Variants in SPINK5 observed in about 807,000 individuals in gnomAD.
SPINK5 encodes the protein serine peptidase inhibitor Kazal type 5.
A neutral mutation model predicts 151.8 loss-of-function variants in SPINK5; 125 were observed. The observed-to-expected ratio is 0.82, with a 90% CI of 0.71 to 0.96. SPINK5 has a LOEUF of 0.96. Among genes scored for constraint, SPINK5 ranks in the 40% least tolerant of loss-of-function variants. SPINK5 has a pLI of 0.00. For synonymous variants in SPINK5, 374 were observed against 395.3 expected (o/e 0.95, Z 0.64); for missense variants, 1,194 against 1,291.9 (o/e 0.92, Z 1.16).
At chr5:148,116,581 A>G in intron 22 of SPINK5, 115 bp downstream of exon 22, 1 of 1,049,668 alleles carries the variant, frequency 9.5e-7, no homozygotes, top group African/African-American at 1.6e-5. Context: ...GAGAGAACAG[A>G]GAAGTTTCTC....
chr5:148,133,390 C>T (rs1044150069), intron 31 of SPINK5, among the ~76,000 whole-genome samples: 2 of 152,184 alleles, frequency 1.3e-5, no homozygotes, highest in African/African-American at 2.4e-5. Flanking sequence ...ATTCCAACTA[C>T]AAAACTCAGA....
intron 2 of SPINK5, 95 bp downstream of exon 2, chr5:148,065,467 A>G: frequency 7.6e-7 from 1 of 1,318,626 alleles, no homozygotes. Context: ...ATACAAACAT[A>G]TTATACTGGT....
In SPINK5 at chr5:148,118,558, C is replaced by T. The variant is rs951229378; in HGVS notation, c.2234C>T (p.Ala745Val). Residue 745 changes from alanine to valine, a missense_variant, in exon 23 of 33, where the codon GCA becomes GTA. By Grantham distance (64) the Ala-to-Val change is moderately conservative (BLOSUM62 0). Transcript: ENST00000256084. ...SYNNQCTMCKAKLEREAERKN... is the reference protein window; with the variant it reads ...SYNNQCTMCKVKLEREAERKN... ...AACAATCAGTGTACCATGTGTAAAGCAAAATTGTAAGTATTTCTCTCAACA... is the reference window on the plus strand; with the variant it reads ...AACAATCAGTGTACCATGTGTAAAGTAAAATTGTAAGTATTTCTCTCAACA... 3 of 1,613,928 alleles carry T rather than the reference C, an allele frequency of 1.9e-6. No individual in the cohort carries two copies. The highest frequency in any genetic ancestry group is 1.1e-5 in the South Asian group (1 of 91,080).
chr5:148,085,440 C>T (rs1753127363), intron 4 of SPINK5, among the ~76,000 whole-genome samples: 1 of 151,896 alleles, frequency 6.6e-6, no homozygotes, highest in Admixed American at 6.6e-5. Context: ...CAAGTTAACT[C>T]TATATCTTTT....
chr5:148,116,920 G>C (rs2052531), intron 22 of SPINK5, among the ~76,000 whole-genome samples: 82,523 of 151,982 alleles, frequency 0.54, 23,562 homozygotes, highest in Admixed American at 0.64. Flanking sequence ...GGACTTGTGA[G>C]ACATTGAGTA....
intron 4 of SPINK5, among the ~76,000 whole-genome samples, chr5:148,084,429 T>G (rs574424117): frequency 6.6e-6 from 1 of 151,966 alleles, no homozygotes; most frequent in South Asian, 2.1e-4. Flanking sequence ...TTCTGTAGGT[T>G]GTGATCCACC....
chr5:148,115,448 GAGAA>G (rs1344593584), intron 21 of SPINK5, among the ~76,000 whole-genome samples: 1 of 152,176 alleles, frequency 6.6e-6, no homozygotes, highest in African/African-American at 2.4e-5. Context: ...AGGAGAAAAA[GAGAA>G]AGAAAGTACT....
At chr5:148,105,593 C>T (rs1753759614) in intron 16 of SPINK5, among the ~76,000 whole-genome samples, 1 of 151,762 alleles carries the variant, frequency 6.6e-6, no homozygotes, top group South Asian at 2.1e-4. Context: ...ATAATAGCTA[C>T]ATACAAGATT....
chr5:148,065,544 C>T, intron 2 of SPINK5, 172 bp downstream of exon 2: 7 of 540,204 alleles, frequency 1.3e-5, no homozygotes, highest in Non-Finnish European at 2.1e-5. Flanking sequence ...GAGCCTCTCT[C>T]TCACACACAC....
Position 148,123,512 on chromosome 5 carries a change from A to ATTATATAT in SPINK5, c.2539-321_2539-320insTTATATAT, listed in dbSNP as rs1561703850. 2.7e-4 allele frequency among the ~76,000 whole-genome samples: 33 copies of ATTATATAT among 120,944 alleles called. 1 individual carries two copies. Among genetic ancestry groups the ATTATATAT allele is most frequent in the African/African-American group, 1.2e-3 (33 of 28,366 alleles). 79.3% of individuals were successfully genotyped at this position (120,944 alleles called of 152,430 possible). On this transcript the variant is annotated intron_variant, in intron 26 of 32. Coordinates refer to ENST00000256084, the MANE Select transcript of SPINK5 (RefSeq NM_006846.4). ...TGTCCAGCCTGGAGTGCAGTGGTGC[A>ATTATATAT]ATATATGTGTATATATATATATATA...
intron 4 of SPINK5, among the ~76,000 whole-genome samples, chr5:148,077,099 T>A (rs772599512): frequency 6.6e-6 from 1 of 151,118 alleles, no homozygotes; most frequent in African/African-American, 2.4e-5. Flanking sequence ...TGGAAAAAAA[T>A]TAATTTTAAC....
Position 148,123,896 on chromosome 5 carries a change from A to C in SPINK5, c.2602A>C (p.Asn868His). The change falls in exon 27 of 33, where the codon AAC becomes CAC. Residue 868 changes from asparagine (N) to histidine (H), a missense_variant. Asn to His is a moderately conservative substitution (Grantham distance 68). Transcript: ENST00000256084. ...NGKLICTRENNPVRGPYGKMH... is the reference protein window; with the variant it reads ...NGKLICTRENHPVRGPYGKMH... ...AAAGCTTATCTGCACCAGAGAAAATAACCCTGTTCGAGGCCCATATGGCAA... is the reference window on the plus strand; with the variant it reads ...AAAGCTTATCTGCACCAGAGAAAATCACCCTGTTCGAGGCCCATATGGCAA... The C allele has an allele frequency of 6.2e-7, 1 of 1,614,090 alleles. No homozygotes were observed. The highest frequency in any genetic ancestry group is 8.5e-7 in the Non-Finnish European group (1 of 1,180,010).
intron 18 of SPINK5, among the ~76,000 whole-genome samples, chr5:148,109,325 C>T (rs1753861257): frequency 6.6e-6 from 1 of 151,920 alleles, no homozygotes; most frequent in African/African-American, 2.4e-5. Flanking sequence ...ATTGTACATT[C>T]GTTGCTACTG....
chr5:148,098,081 T>A, intron 11 of SPINK5, 87 bp downstream of exon 11: 2 of 1,313,394 alleles, frequency 1.5e-6, no homozygotes, highest in Non-Finnish European at 1.1e-6. Flanking sequence ...ATGGGGAGAC[T>A]GTGGCTCAAG....
chr5:148,066,247 A>G (rs1752581611), intron 2 of SPINK5, among the ~76,000 whole-genome samples: 1 of 152,150 alleles, frequency 6.6e-6, no homozygotes, highest in South Asian at 2.1e-4. Context: ...ATCATTTTCT[A>G]CTAGAAGTTA....
chr5:148,124,074 C>A, intron 27 of SPINK5, 114 bp downstream of exon 27: 1 of 1,184,208 alleles, frequency 8.4e-7, no homozygotes, highest in Non-Finnish European at 1.2e-6. Context: ...GATATGATAC[C>A]TCCTCTCTTT....
intron 4 of SPINK5, among the ~76,000 whole-genome samples, chr5:148,085,296 A>T (rs553738166): frequency 2.6e-5 from 4 of 151,988 alleles, no homozygotes; most frequent in South Asian, 4.1e-4. Context: ...ATAGGTCTAC[A>T]TTCTAAGTGT....
chr5:148,110,696 A>G (rs1753901559), intron 18 of SPINK5, among the ~76,000 whole-genome samples: 1 of 152,050 alleles, frequency 6.6e-6, no homozygotes, highest in Non-Finnish European at 1.5e-5. Flanking sequence ...GAACACATGG[A>G]CACAGGGAGG....
At chr5:148,125,076 C>G in intron 28 of SPINK5, 1 of 511,248 alleles carries the variant, frequency 2.0e-6, no homozygotes, top group South Asian at 3.6e-5. Flanking sequence ...TTAGTCTTTC[C>G]TCCTTGGGAG....
Sources: gnomAD v4.1 joint callset for allele counts (sites outside exome capture counted in the v4.1 genomes callset) on GRCh38, gnomAD v4.1.1 for gene constraint, MANE v1.5 for transcripts, NCBI Gene and HGNC (gene_info 2026-07-23, HGNC 2026-07-21) for gene names.